Variants in CLSTN1 observed in about 807,000 individuals in gnomAD.
CLSTN1 encodes the protein calsyntenin-1.
Under a neutral mutation model 108.3 loss-of-function variants are expected in CLSTN1, and 28 were observed. The observed-to-expected ratio is 0.26, with a 90% CI of 0.19 to 0.35. The LOEUF is 0.35. Ranked by LOEUF, CLSTN1 falls within the 10% of genes least tolerant of loss-of-function variation. The pLI is 1.00. For missense variants in CLSTN1, 1,157 were observed against 1,302.6 expected, an observed-to-expected ratio of 0.89 and a Z score of 1.72; for synonymous variants, 524 against 534.9, an observed-to-expected ratio of 0.98 and a Z score of 0.28.
At position 9,733,446 on chromosome 1, in the gene CLSTN1, G is replaced by A. The variant is rs1297417183; in HGVS notation, c.2382C>T (p.Cys794=). The change falls in exon 16 of 19, where the codon TGC becomes TGT. Residue 794 remains cysteine (C), a synonymous_variant. Coordinates refer to ENST00000377298, the MANE Select transcript of CLSTN1 (RefSeq NM_001009566.3). ...TGATGTAGCGGCCATTCAGCTCTGA[G>A]CAGATGAGCTTAAACTTCCGGTCAA... is the stretch of plus-strand genomic sequence containing the variant. ...SLLDRKFKLI[C]SELNGRYISN... The A allele has an allele frequency of 1.2e-6, 2 of 1,614,110 alleles. No homozygotes were observed. The highest frequency in any genetic ancestry group is 1.7e-6 in the Non-Finnish European group (2 of 1,180,060).
intron 1 of CLSTN1, among the ~76,000 whole-genome samples, chr1:9,812,864 A>C (rs1654818869): frequency 6.6e-6 from 1 of 151,400 alleles, no homozygotes; most frequent in South Asian, 2.1e-4. Context: ...AAAAAAAAAA[A>C]ACAAACAAAC....
intron 1 of CLSTN1, among the ~76,000 whole-genome samples, chr1:9,808,980 C>A (rs1280786823): frequency 6.6e-6 from 1 of 152,068 alleles, no homozygotes; most frequent in Non-Finnish European, 1.5e-5. Flanking sequence ...CAGGCCTAAG[C>A]AACAACCAGA....
chr1:9,784,000 T>A (rs182081678), intron 1 of CLSTN1, among the ~76,000 whole-genome samples: 164 of 146,786 alleles, frequency 1.1e-3, no homozygotes, highest in African/African-American at 3.5e-3. Context: ...TCTCAAAAAA[T>A]AATAATAATA....
chr1:9,798,449 A>T (rs1228445743), intron 1 of CLSTN1, among the ~76,000 whole-genome samples: 4 of 152,162 alleles, frequency 2.6e-5, no homozygotes, highest in Non-Finnish European at 5.9e-5. Context: ...AAATTATGAA[A>T]CTCAGAACAT....
At chr1:9,799,513 C>T (rs371690674) in intron 1 of CLSTN1, among the ~76,000 whole-genome samples, 1 of 151,404 alleles carries the variant, frequency 6.6e-6, no homozygotes, top group South Asian at 2.1e-4. Flanking sequence ...TGGTGGCGGG[C>T]GCCTGTAGTC....
intron 2 of CLSTN1, among the ~76,000 whole-genome samples, chr1:9,769,987 G>A (rs1353528562): frequency 6.7e-6 from 1 of 148,184 alleles, no homozygotes; most frequent in African/African-American, 2.5e-5. Flanking sequence ...CCGAGATCGC[G>A]CCACTGCACC....
chr1:9,761,731 G>A (rs1652082964), intron 2 of CLSTN1, among the ~76,000 whole-genome samples: 1 of 152,068 alleles, frequency 6.6e-6, no homozygotes, highest in Non-Finnish European at 1.5e-5. Flanking sequence ...TCTGAGGATG[G>A]CCCCTCCTAC....
chr1:9,776,576 C>T (rs1053169748), intron 1 of CLSTN1, among the ~76,000 whole-genome samples: 3 of 152,088 alleles, frequency 2.0e-5, no homozygotes, highest in Admixed American at 1.3e-4. Context: ...TTTCTTACCT[C>T]CTTCCTGAAA....
chr1:9,814,101 CA>C (rs993709850), intron 1 of CLSTN1, among the ~76,000 whole-genome samples: 61 of 135,268 alleles, frequency 4.5e-4, no homozygotes, highest in Admixed American at 6.0e-4. Context: ...GACACTGTCT[CA>C]AAAAAAAAAA....
chr1:9,753,513 C>T lies in CLSTN1; in HGVS notation c.440+1601G>A, dbSNP rs111907210. On this transcript the variant is annotated intron_variant, in intron 4 of 18. Transcript: ENST00000377298. ...GACTAATTTTTTTTTTTTTTTGAGA[C>T]GGAGTTTCATTCTTTTTGCCCAGGC... is the stretch of plus-strand genomic sequence containing the variant. 8.0e-5 allele frequency among the ~76,000 whole-genome samples: 12 copies of T among 149,498 alleles called. No individual in the cohort carries two copies. In the East Asian group the frequency reaches 1.2e-3, roughly 15 times the overall value.
chr1:9,741,670 G>T (rs1650990683), intron 9 of CLSTN1, among the ~76,000 whole-genome samples: 1 of 152,200 alleles, frequency 6.6e-6, no homozygotes, highest in South Asian at 2.1e-4. Context: ...CCAGCACTTT[G>T]GGAGGCCAAG....
At chr1:9,771,154 C>T (rs1289059943) in intron 2 of CLSTN1, among the ~76,000 whole-genome samples, 6 of 152,096 alleles carry the variant, frequency 3.9e-5, no homozygotes, top group Non-Finnish European at 5.9e-5. Flanking sequence ...TCTTGAAATG[C>T]GTAAAACATC....
At chr1:9,800,694 C>T (rs971329362) in intron 1 of CLSTN1, among the ~76,000 whole-genome samples, 81 of 149,804 alleles carry the variant, frequency 5.4e-4, no homozygotes, top group African/African-American at 1.9e-3. Context: ...CGTGCCACTG[C>T]ACTCCAGCCT....
intron 2 of CLSTN1, among the ~76,000 whole-genome samples, chr1:9,760,879 C>T (rs1652040251): frequency 6.6e-6 from 1 of 151,852 alleles, no homozygotes; most frequent in Non-Finnish European, 1.5e-5. Context: ...TACGAAGGTG[C>T]AGCTCCACCA....
Position 9,823,387 on chromosome 1 carries a change from C to T in CLSTN1, c.91+256G>A, listed in dbSNP as rs1213114402. Among the ~76,000 whole-genome samples, 1 of 152,124 alleles carries T rather than the reference C, an allele frequency of 6.6e-6. No homozygotes were observed. Among genetic ancestry groups the T allele is most frequent in the African/African-American group, 2.4e-5 (1 of 41,424 alleles). On this transcript the variant is annotated intron_variant, in intron 1 of 18. Transcript: ENST00000377298. This position sits in a 1 kb window ranked among gnomAD's most constrained non-coding sequence, Gnocchi z 6.3. ...CCCCGCCCGGGACGGAGCCTGGCTT[C>T]CCCGGGACGCCTGCAGCGCGCGCCC... is the stretch of plus-strand genomic sequence containing the variant.
chr1:9,745,951 A>G (rs1163884222), intron 7 of CLSTN1, among the ~76,000 whole-genome samples: 1 of 151,732 alleles, frequency 6.6e-6, no homozygotes, highest in Non-Finnish European at 1.5e-5. Context: ...GTGTTTTTGT[A>G]GAGACGGGGT....
At position 9,732,579 on chromosome 1, in the gene CLSTN1, T is replaced by C. The variant is rs149530620; in HGVS notation, c.2428-683A>G. 2.8e-3 allele frequency among the ~76,000 whole-genome samples: 429 copies of C among 152,332 alleles called. 3 individuals are homozygous for C. The highest frequency in any genetic ancestry group is 9.9e-3 in the African/African-American group (412 of 41,580). ...AACAAAACAGGCACCGAATTTAGCATTCTGCTCTTGAGTTCATGGTGATAT... is the reference window on the plus strand; with the variant it reads ...AACAAAACAGGCACCGAATTTAGCACTCTGCTCTTGAGTTCATGGTGATAT... On this transcript the variant is annotated intron_variant, in intron 16 of 18. Transcript: ENST00000377298.
At position 9,730,511 on chromosome 1, in the gene CLSTN1, G is replaced by A. The variant is rs755555323; in HGVS notation, c.2943C>T (p.Tyr981=). Residue 981 remains tyrosine, a synonymous_variant, in exon 19 of 19, where the codon TAC becomes TAT. Coordinates refer to ENST00000377298, the MANE Select transcript of CLSTN1 (RefSeq NM_001009566.3). This position sits in a 1 kb window ranked among gnomAD's most constrained non-coding sequence, Gnocchi z 5.6. ...QLEWDDSTLS[Y] is the part of the protein sequence containing the mutation. Reference sequence around the variant, plus strand: ...CCGAGGTGGCCGGGGGCACGGGTCAGTAGCTGAGGGTGGAGTCATCCCACT... The same window carrying A: ...CCGAGGTGGCCGGGGGCACGGGTCAATAGCTGAGGGTGGAGTCATCCCACT... 1.6e-5 allele frequency: 25 copies of A among 1,603,150 alleles called. No individual in the cohort carries two copies. The highest frequency in any genetic ancestry group is 8.5e-7 in the Non-Finnish European group (1 of 1,179,884).
chr1:9,771,386 C>T (rs910013395), intron 2 of CLSTN1, among the ~76,000 whole-genome samples: 2 of 152,040 alleles, frequency 1.3e-5, no homozygotes, highest in Admixed American at 6.6e-5. Flanking sequence ...GAGGCCAAGG[C>T]GGGTGGATCA....
Sources: gnomAD v4.1 joint callset for allele counts (sites outside exome capture counted in the v4.1 genomes callset) on GRCh38, gnomAD v4.1.1 for gene constraint, Gnocchi (gnomAD v3.1) non-coding constraint, MANE v1.5 for transcripts, NCBI Gene and HGNC (gene_info 2026-07-23, HGNC 2026-07-21) for gene names.